Variants in GPHN observed in about 807,000 individuals in gnomAD.
GPHN encodes gephyrin.
Under a neutral mutation model 95.5 loss-of-function variants are expected in GPHN, and 17 were observed. The ratio of observed to expected loss-of-function variants is 0.18; its 90% CI spans 0.12 to 0.27. The LOEUF is 0.27. Among genes scored for constraint, GPHN ranks in the 10% least tolerant of loss-of-function variants. GPHN has a pLI of 1.00. For missense variants in GPHN, 660 were observed against 978.1 expected, an observed-to-expected ratio of 0.67 and a Z score of 4.34; for synonymous variants, 320 against 322.5, an observed-to-expected ratio of 0.99 and a Z score of 0.08.
intron 1 of GPHN, among the ~76,000 whole-genome samples, chr14:66,642,261 C>T (rs1395823186): frequency 6.6e-6 from 1 of 152,074 alleles, no homozygotes; most frequent in Non-Finnish European, 1.5e-5. Context: ...ATCACATGAA[C>T]CCTTAAGAGC....
At chr14:67,211,062 T>G in the GPHN span, among the ~76,000 whole-genome samples, 1 of 152,132 alleles carries the variant, frequency 6.6e-6, no homozygotes, top group Non-Finnish European at 1.5e-5. Flanking sequence ...AATCCTGGCT[T>G]CTCTATCTCA....
chr14:66,953,442 G>A (rs2068258487), intron 8 of GPHN, among the ~76,000 whole-genome samples: 1 of 152,052 alleles, frequency 6.6e-6, no homozygotes. Context: ...CTTAGAATTT[G>A]ATAGTTGAGC....
chr14:67,321,139 AG>A, the GPHN span: 1 of 1,614,112 alleles, frequency 6.2e-7, no homozygotes, highest in African/African-American at 1.3e-5. Context: ...AGGCAGACAT[AG>A]CAGCTGGAAA....
At chr14:67,684,752 T>C in the GPHN span, 1 of 280,746 alleles carries the variant, frequency 3.6e-6, no homozygotes, top group Non-Finnish European at 6.5e-6. Flanking sequence ...CAAAAAAGAA[T>C]AAAGAAAACT....
intron 1 of GPHN, among the ~76,000 whole-genome samples, chr14:66,588,421 G>A (rs1446425340): frequency 1.3e-5 from 2 of 152,096 alleles, no homozygotes; most frequent in East Asian, 1.9e-4. Flanking sequence ...GCTTCAGAAG[G>A]TGGGTAATAA....
chr14:66,616,554 A>G (rs572929144), intron 1 of GPHN, among the ~76,000 whole-genome samples: 5 of 152,142 alleles, frequency 3.3e-5, no homozygotes, highest in African/African-American at 1.2e-4. Flanking sequence ...ATGTCACTCA[A>G]GGAGGCTGCA....
At chr14:66,763,118 TG>T (rs1468018299) in intron 2 of GPHN, among the ~76,000 whole-genome samples, 2 of 152,088 alleles carry the variant, frequency 1.3e-5, no homozygotes, top group Non-Finnish European at 2.9e-5. Flanking sequence ...TCCACATCCA[TG>T]GGCTCCACAT....
intron 1 of GPHN, among the ~76,000 whole-genome samples, chr14:66,570,894 T>C (rs928935016): frequency 6.6e-6 from 1 of 152,232 alleles, no homozygotes; most frequent in Non-Finnish European, 1.5e-5. Context: ...CATATACCTG[T>C]TGGCCATTTT....
chr14:67,733,142 CA>C, the GPHN span, among the ~76,000 whole-genome samples: 2 of 145,960 alleles, frequency 1.4e-5, no homozygotes, highest in African/African-American at 2.5e-5. Flanking sequence ...TTAAAAAAAA[CA>C]AAAAAAAACA....
chr14:66,513,067 A>AT (rs746770813), intron 1 of GPHN, among the ~76,000 whole-genome samples: 1 of 151,682 alleles, frequency 6.6e-6, no homozygotes, highest in Non-Finnish European at 1.5e-5. Context: ...TATTTTGTGA[A>AT]TTTTTTGTTG....
chr14:66,918,573 C>T (rs1272895198), intron 6 of GPHN, among the ~76,000 whole-genome samples: 2 of 152,116 alleles, frequency 1.3e-5, no homozygotes, highest in African/African-American at 4.8e-5. Context: ...GACACGAAAG[C>T]TTTGTGTGAA....
chr14:67,727,548 T>A, the GPHN span: 3 of 306,706 alleles, frequency 9.8e-6, no homozygotes, highest in Non-Finnish European at 1.3e-5. Context: ...AGTAGTGCGA[T>A]CTTGGCTCAC....
chr14:66,961,681 T>A (rs2068911384), intron 8 of GPHN, among the ~76,000 whole-genome samples: 1 of 151,112 alleles, frequency 6.6e-6, no homozygotes, highest in South Asian at 2.1e-4. Context: ...TCACTAAGAA[T>A]CAGAGAAAGG....
chr14:67,629,959 A>G, the GPHN span, among the ~76,000 whole-genome samples: 1 of 152,204 alleles, frequency 6.6e-6, no homozygotes, highest in East Asian at 1.9e-4. Context: ...AAAAATCTTT[A>G]AAAAATCATC....
chr14:66,864,778 A>AC (rs1282000105), intron 4 of GPHN, among the ~76,000 whole-genome samples: 2 of 152,018 alleles, frequency 1.3e-5, no homozygotes, highest in African/African-American at 4.8e-5. Flanking sequence ...GTCTCAAAAA[A>AC]AAAAAGTGGA....
chr14:66,948,420 A>G (rs755623814), intron 8 of GPHN, among the ~76,000 whole-genome samples: 2 of 152,172 alleles, frequency 1.3e-5, no homozygotes, highest in Non-Finnish European at 2.9e-5. Flanking sequence ...GAATTTTTGT[A>G]GATTTTTGTA....
chr14:67,662,582 A>G, the GPHN span: 1 of 1,529,284 alleles, frequency 6.5e-7, no homozygotes, highest in African/African-American at 1.4e-5. Context: ...GTTTCCACAC[A>G]TTTGTAAAGG....
the GPHN span, chr14:67,571,617 G>A: frequency 3.8e-6 from 3 of 785,654 alleles, no homozygotes; most frequent in Non-Finnish European, 6.4e-6. Flanking sequence ...ACCTTACACT[G>A]GACAGTTGTC....
At chr14:66,811,706 A>T (rs1273709950) in intron 3 of GPHN, among the ~76,000 whole-genome samples, 1 of 152,236 alleles carries the variant, frequency 6.6e-6, no homozygotes, top group Non-Finnish European at 1.5e-5. Flanking sequence ...CATATTGCAT[A>T]TTCTAGAGCA....
Sources: gnomAD v4.1 joint callset for allele counts (sites outside exome capture counted in the v4.1 genomes callset) on GRCh38, gnomAD v4.1.1 for gene constraint, MANE v1.5 for transcripts, NCBI Gene and HGNC (gene_info 2026-07-23, HGNC 2026-07-21) for gene names.